The following MME variants were observed in gnomAD, a reference collection of about 807,000 sequenced individuals.
MME encodes membrane metalloendopeptidase.
MME carries 98 observed loss-of-function variants against 113.2 expected under a neutral mutation model. That is an observed-to-expected ratio of 0.87 (90% CI 0.74 to 1.02). The LOEUF is 1.02. MME is among the 50% of genes least tolerant of loss of function. The pLI is 0.00. For synonymous variants in MME, 292 were observed against 300.6 expected (o/e 0.97, Z 0.30); for missense variants, 836 against 896.0 (o/e 0.93, Z 0.86).
chr3:155,126,372 C>T (rs1026614428), intron 8 of MME, among the ~76,000 whole-genome samples: 1 of 151,570 alleles, frequency 6.6e-6, no homozygotes, highest in African/African-American at 2.4e-5. Flanking sequence ...TCAAGGTATA[C>T]CTGGCAGTCG....
chr3:155,141,954 C>T, intron 10 of MME, 37 bp from the exon 11 acceptor site: 1 of 1,612,066 alleles, frequency 6.2e-7, no homozygotes, highest in Non-Finnish European at 8.5e-7. Context: ...AAGAGAAATC[C>T]ACAATTTCTG....
chr3:155,079,641 G>GC (rs1292809764), upstream of MME: 1 of 138,868 alleles, frequency 7.2e-6, no homozygotes, highest in East Asian at 2.6e-4. Context: ...GGGGGGGGTG[G>GC]GCCGTGAGAG....
chr3:155,111,799 C>A (rs1226057778), intron 3 of MME, among the ~76,000 whole-genome samples: 1 of 152,070 alleles, frequency 6.6e-6, no homozygotes, highest in African/African-American at 2.4e-5. Context: ...AACAGAAGTG[C>A]CCCCTCCAAA....
rs868714146 is a variant in MME at position 155,063,183 on chromosome 3, G to A, written c.-10-20975G>A. 3.0e-4 allele frequency among the ~76,000 whole-genome samples: 36 copies of A among 118,614 alleles called. No homozygotes were observed. The South Asian group carries it at 4.1e-3, about 13-fold the overall frequency. 77.8% of individuals were successfully genotyped at this position (118,614 alleles called of 152,430 possible). A position where few individuals can be genotyped will look rare whatever the true frequency, so the allele number is the denominator to read the frequency against. On this transcript the variant is annotated intron_variant, in intron 1 of 22. Transcript: ENST00000492661. ...TATAATTATATATATTATATACTTT[G>A]TAATATATATTATTTATATATTATA...
intron 17 of MME, 119 bp downstream of exon 17, chr3:155,160,567 A>C: frequency 1.4e-6 from 1 of 701,238 alleles, no homozygotes; most frequent in East Asian, 2.6e-5. Flanking sequence ...TTATTGCTCT[A>C]TTGAATGCAT....
intron 4 of MME, among the ~76,000 whole-genome samples, chr3:155,115,890 T>A (rs1455761807): frequency 6.6e-6 from 1 of 152,190 alleles, no homozygotes; most frequent in Non-Finnish European, 1.5e-5. Flanking sequence ...GCTAAGACTG[T>A]CTCCCTGAGA....
rs371483491 is a variant in MME, at chr3:155,052,104, T to A, written c.-11+27780T>A. 1.3e-4 allele frequency among the ~76,000 whole-genome samples: 20 copies of A among 152,284 alleles called. No individual in the cohort carries two copies. The East Asian group carries it at 1.7e-3, about 13-fold the overall frequency. ...TTTGACTCCACATCTCATATCCAGG[T>A]CATGCTGATGTAAGAGGTGGGCTTC... On this transcript the variant is annotated intron_variant, in intron 1 of 22. Coordinates refer to the MME transcript ENST00000492661.
intron 3 of MME, among the ~76,000 whole-genome samples, chr3:155,099,748 A>C (rs1024518578): frequency 1.3e-5 from 2 of 152,310 alleles, no homozygotes; most frequent in Non-Finnish European, 2.9e-5. Context: ...TTATGGCTGC[A>C]TAGTATTCCA....
intron 17 of MME, among the ~76,000 whole-genome samples, chr3:155,164,672 A>T (rs1308451285): frequency 6.6e-6 from 1 of 152,178 alleles, no homozygotes; most frequent in Non-Finnish European, 1.5e-5. Flanking sequence ...GTGGATTTTA[A>T]TCAAAGTACA....
chr3:155,151,273 T>C (rs1383076447), intron 16 of MME, among the ~76,000 whole-genome samples: 1 of 152,132 alleles, frequency 6.6e-6, no homozygotes, highest in East Asian at 1.9e-4. Context: ...AAGAGAAATA[T>C]GTGTGCATAC....
chr3:155,031,413 T>C (rs1339060922), intron 1 of MME, among the ~76,000 whole-genome samples: 1 of 151,864 alleles, frequency 6.6e-6, no homozygotes, highest in Non-Finnish European at 1.5e-5. Flanking sequence ...AAGAGATGTG[T>C]GGGAGTTGAG....
At chr3:155,134,768 T>C (rs976675069) in intron 8 of MME, among the ~76,000 whole-genome samples, 6 of 152,180 alleles carry the variant, frequency 3.9e-5, no homozygotes, top group Non-Finnish European at 7.4e-5. Context: ...TGTATAAGTG[T>C]TCCCTTTTCT....
At chr3:155,033,570 C>T (rs958958520) in intron 1 of MME, among the ~76,000 whole-genome samples, 1 of 152,070 alleles carries the variant, frequency 6.6e-6, no homozygotes, top group African/African-American at 2.4e-5. Context: ...ATATCAACTA[C>T]TTGAATTTTT....
At chr3:155,087,306 G>T (rs1329284432) in intron 3 of MME, among the ~76,000 whole-genome samples, 3 of 148,586 alleles carry the variant, frequency 2.0e-5, no homozygotes, top group African/African-American at 7.5e-5. Flanking sequence ...GGTCACAAGA[G>T]CAATGACTAG....
At chr3:155,090,068 A>C (rs991519472) in intron 3 of MME, 1 of 241,300 alleles carries the variant, frequency 4.1e-6, no homozygotes, top group Admixed American at 4.3e-5. Context: ...AGACGTGATC[A>C]ATACAGTTTA....
At chr3:155,133,060 A>ATATATATAT (rs1278838107) in intron 8 of MME, among the ~76,000 whole-genome samples, 11 of 90,170 alleles carry the variant, frequency 1.2e-4, no homozygotes, top group Non-Finnish European at 1.7e-4. Flanking sequence ...AAAAAAAAAA[A>ATATATATAT]AAATATATAT....
At chr3:155,062,319 T>G (rs1714177809) in intron 1 of MME, among the ~76,000 whole-genome samples, 1 of 152,208 alleles carries the variant, frequency 6.6e-6, no homozygotes, top group Non-Finnish European at 1.5e-5. Context: ...CAAATGCTAT[T>G]TAGTTTATCT....
intron 22 of MME, among the ~76,000 whole-genome samples, chr3:155,179,505 A>C (rs1033030111): frequency 1.3e-5 from 2 of 152,174 alleles, no homozygotes; most frequent in Admixed American, 6.5e-5. Context: ...ATAAATCAAA[A>C]TGGACTCACC....
At chr3:155,135,986 G>A (rs575153224) in intron 8 of MME, among the ~76,000 whole-genome samples, 10 of 152,280 alleles carry the variant, frequency 6.6e-5, no homozygotes, top group African/African-American at 2.4e-4. Context: ...TTTATTCATG[G>A]ATTTTGTATC....
Sources: allele counts gnomAD v4.1 joint callset (sites outside exome capture counted in the v4.1 genomes callset), GRCh38; gene constraint gnomAD v4.1.1; transcripts MANE v1.5; gene names NCBI Gene and HGNC (gene_info 2026-07-23, HGNC 2026-07-21).